Variants in MTCH2 observed in about 807,000 individuals in gnomAD.
MTCH2 encodes mitochondrial carrier homolog 2.
In MTCH2, 25 loss-of-function variants were observed where a neutral mutation model predicts 50.6. The ratio of observed to expected loss-of-function variants is 0.49; its 90% CI spans 0.36 to 0.69. MTCH2 has a LOEUF of 0.69. Ranked by LOEUF, MTCH2 falls within the 30% of genes least tolerant of loss-of-function variation. The probability of loss-of-function intolerance (pLI) is 0.00; values close to 1 mark genes in which losing one functional copy is unlikely to be tolerated. For missense variants in MTCH2, 273 were observed against 384.4 expected (o/e 0.71, Z 2.42); for synonymous variants, 106 against 132.0 (o/e 0.80, Z 1.35).
the MTCH2 span, among the ~76,000 whole-genome samples, chr11:47,608,479 A>T: frequency 4.6e-5 from 7 of 152,134 alleles, no homozygotes. Context: ...TGACTGCAGA[A>T]CTTTACACCC....
chr11:47,635,694 T>A (rs1350848045), intron 3 of MTCH2, 123 bp from the exon 4 acceptor site: 1 of 895,098 alleles, frequency 1.1e-6, no homozygotes, highest in African/African-American at 1.7e-5. Flanking sequence ...TTTTTGTTTT[T>A]TTTTTTAAGC....
At chr11:47,622,971 CAAAT>C (rs1339955340) in intron 11 of MTCH2, among the ~76,000 whole-genome samples, 195 bp from the exon 12 acceptor site, 1 of 152,148 alleles carries the variant, frequency 6.6e-6, no homozygotes. Context: ...ATTTAGGTTT[CAAAT>C]AAATAAATAA....
chr11:47,614,997 G>A (rs1389943800), downstream of MTCH2, among the ~76,000 whole-genome samples: 3 of 134,120 alleles, frequency 2.2e-5, no homozygotes, highest in Admixed American at 7.7e-5. Context: ...GACCAGCCAC[G>A]ACCCCACTAG....
chr11:47,624,849 A>G (rs979096952), intron 11 of MTCH2, among the ~76,000 whole-genome samples: 2 of 152,236 alleles, frequency 1.3e-5, no homozygotes, highest in Non-Finnish European at 2.9e-5. Flanking sequence ...GCGCTTTGGA[A>G]GTCCGAGGTA....
downstream of MTCH2, among the ~76,000 whole-genome samples, chr11:47,614,474 T>C (rs2097287239): frequency 6.6e-6 from 1 of 152,220 alleles, no homozygotes; most frequent in African/African-American, 2.4e-5. Context: ...TTTTTCTTTT[T>C]TCTTTTTTTT....
At chr11:47,606,593 T>G in the MTCH2 span, among the ~76,000 whole-genome samples, 4 of 152,248 alleles carry the variant, frequency 2.6e-5, no homozygotes, top group Non-Finnish European at 5.9e-5. Flanking sequence ...ATCCCTCTTG[T>G]GCCATATTGC....
chr11:47,608,819 G>T, the MTCH2 span, among the ~76,000 whole-genome samples: 1 of 151,904 alleles, frequency 6.6e-6, no homozygotes, highest in Non-Finnish European at 1.5e-5. Context: ...TTAGCCGGGC[G>T]TGGTGGTGGG....
chr11:47,631,386 G>A (rs1449082463), intron 6 of MTCH2, among the ~76,000 whole-genome samples: 2 of 151,964 alleles, frequency 1.3e-5, no homozygotes, highest in Non-Finnish European at 2.9e-5. Flanking sequence ...TCCAGCCTGG[G>A]CAACAAGAGT....
rs191752269 is a variant in MTCH2, at chr11:47,629,960, G to A, written c.539+595C>T. On this transcript the variant is annotated intron_variant, in intron 8 of 12. Coordinates refer to ENST00000302503, the MANE Select transcript of MTCH2 (RefSeq NM_014342.4). ...TTTTATTATCTATATAGAATTGGGA[G>A]TTTACTACAAGGGTAGAAACTTGGA... Among the ~76,000 whole-genome samples, 162 of 152,108 alleles carry A rather than the reference G, an allele frequency of 1.1e-3. 1 individual carries two copies. Among genetic ancestry groups the A allele is most frequent in the African/African-American group, 3.7e-3 (154 of 41,542 alleles).
chr11:47,616,809 G>A (rs979438501), downstream of MTCH2, among the ~76,000 whole-genome samples: 4 of 150,700 alleles, frequency 2.7e-5, no homozygotes, highest in South Asian at 2.1e-4. Context: ...TCAGCCTCCC[G>A]CATAGCTGGG....
Position 47,637,032 on chromosome 11 carries a change from A to G in MTCH2, c.280-1461T>C, listed in dbSNP as rs189705625. ...GAGTGCAATGGTGCAATCTCGGCTC[A>G]CTGCTGGAGTGCAATGGTTCAATCT... On this transcript the variant is annotated intron_variant, in intron 3 of 12. Coordinates refer to ENST00000302503, the MANE Select transcript of MTCH2 (RefSeq NM_014342.4). Among the ~76,000 whole-genome samples the G allele has an allele frequency of 2.0e-5, 3 of 148,950 alleles. No homozygotes were observed. The Admixed American group carries it at 2.0e-4, about 10-fold the overall frequency.
At chr11:47,633,051 C>A (rs966500065) in intron 5 of MTCH2, among the ~76,000 whole-genome samples, 8 of 151,420 alleles carry the variant, frequency 5.3e-5, no homozygotes, top group Admixed American at 2.6e-4. Flanking sequence ...GGCATAAGAT[C>A]CTATGGGACT....
chr11:47,604,945 T>A, the MTCH2 span, among the ~76,000 whole-genome samples: 1 of 152,156 alleles, frequency 6.6e-6, no homozygotes, highest in Admixed American at 6.5e-5. Context: ...TTTTGTTTTT[T>A]TTTGAGACGG....
intron 8 of MTCH2, 81 bp from the exon 9 acceptor site, chr11:47,629,127 A>G: frequency 8.3e-6 from 10 of 1,210,602 alleles, no homozygotes; most frequent in Non-Finnish European, 1.2e-5. Flanking sequence ...ATGTTTGTCA[A>G]ATAATTAGAG....
chr11:47,629,806 T>C (rs1235810542), intron 8 of MTCH2, among the ~76,000 whole-genome samples: 4 of 151,522 alleles, frequency 2.6e-5, no homozygotes, highest in African/African-American at 4.8e-5. Context: ...TTTTTCCTCA[T>C]AGAAGAATGA....
At chr11:47,632,898 C>T (rs569508188) in intron 5 of MTCH2, among the ~76,000 whole-genome samples, 13 of 151,010 alleles carry the variant, frequency 8.6e-5, no homozygotes, top group African/African-American at 2.4e-4. Flanking sequence ...GATGGGATTT[C>T]GCCATGTTGG....
intron 11 of MTCH2, among the ~76,000 whole-genome samples, chr11:47,625,101 AAAAAC>A (rs1328580833): frequency 2.0e-5 from 3 of 151,658 alleles, no homozygotes; most frequent in Non-Finnish European, 2.9e-5. Context: ...AAACAAAAAC[AAAAAC>A]AAAAACAAAA....
chr11:47,629,001 C>T lies in MTCH2; in HGVS notation c.585G>A (p.Leu195=), dbSNP rs375332938. 2.5e-5 allele frequency: 40 copies of T among 1,613,740 alleles called. No individual in the cohort carries two copies. The East Asian group carries it at 3.1e-4, about 13-fold the overall frequency. The change falls in exon 9 of 13, where the codon CTG becomes CTA. Residue 195 remains leucine, a synonymous_variant. Transcript: ENST00000302503. ...RLLGDILSLW[L]CNSLAYLVNT... ...TGACGAGGTAGGCCAGTGAGTTACA[C>T]AGCCACAAAGAAAGGATGTCACCTA... is the stretch of plus-strand genomic sequence containing the variant.
intron 1 of MTCH2, 78 bp downstream of exon 1, chr11:47,642,301 G>A (rs2097315029): frequency 3.9e-6 from 5 of 1,285,018 alleles, no homozygotes; most frequent in Non-Finnish European, 5.4e-6. Flanking sequence ...CCGCAAGGCT[G>A]AGCCGATCCT....
Sources: gnomAD v4.1 joint callset for allele counts (sites outside exome capture counted in the v4.1 genomes callset) on GRCh38, gnomAD v4.1.1 for gene constraint, MANE v1.5 for transcripts, NCBI Gene and HGNC (gene_info 2026-07-23, HGNC 2026-07-21) for gene names.